MCF2: variants seen among roughly 807,000 people sequenced by gnomAD.
MCF2 encodes proto-oncogene DBL.
Under a neutral mutation model 82.5 loss-of-function variants are expected in MCF2, and 44 were observed. The observed-to-expected ratio is 0.53, with a 90% confidence interval of 0.42 to 0.69. The LOEUF (loss-of-function observed/expected upper bound fraction) is 0.69. Ranked by LOEUF, MCF2 falls within the 30% of genes least tolerant of loss-of-function variation. MCF2 has a pLI of 0.00. For synonymous variants in MCF2, 217 were observed against 224.9 expected (o/e 0.96, Z 0.32); for missense variants, 623 against 663.1 (o/e 0.94, Z 0.66).
At chrX:139,615,148 T>C in intron 9 of MCF2, 96 bp from the exon 13 acceptor site, 1 of 612,317 alleles carries the variant, frequency 1.6e-6, no homozygotes, top group South Asian at 3.4e-5. Context: ...AAAAAAATAA[T>C]TTAGAGTTTA....
intron 1 of MCF2, among the ~76,000 whole-genome samples, chrX:139,671,791 A>G (rs778490831): frequency 1.8e-5 from 2 of 112,065 alleles, no homozygotes; most frequent in East Asian, 5.6e-4. Context: ...TGTCTAGGCA[A>G]TGGAGGCTCT....
intron 1 of MCF2, among the ~76,000 whole-genome samples, chrX:139,699,204 C>G (rs983211892): frequency 8.9e-6 from 1 of 112,345 alleles, no homozygotes; most frequent in Non-Finnish European, 1.9e-5. Flanking sequence ...CAGTCTTCCT[C>G]TGTCTTAAGG....
intron 6 of MCF2, among the ~76,000 whole-genome samples, chrX:139,621,460 T>C (rs1932350260): frequency 9.1e-6 from 1 of 110,404 alleles, no homozygotes; most frequent in Admixed American, 9.6e-5. Flanking sequence ...CTGACAAAAA[T>C]CTAATATCCA....
At chrX:139,623,584 G>C (rs1239881593) in intron 6 of MCF2, among the ~76,000 whole-genome samples, 2 of 111,426 alleles carry the variant, frequency 1.8e-5, no homozygotes, top group African/African-American at 6.5e-5. Flanking sequence ...AAAGGGGGAA[G>C]AGGAGGAAGG....
intron 6 of MCF2, among the ~76,000 whole-genome samples, 158 bp from the exon 10 acceptor site, chrX:139,619,864 A>T (rs766412289): frequency 2.3e-4 from 25 of 110,573 alleles, no homozygotes; most frequent in African/African-American, 7.9e-4. Flanking sequence ...TAATCTGTTA[A>T]AATTTAACCT....
chrX:139,598,421 A>G, exon 17 of MCF2: 1 of 1,157,930 alleles, frequency 8.6e-7, no homozygotes, highest in East Asian at 3.1e-5. Context: ...ACAATAACTG[A>G]TATTTAGTGA....
At chrX:139,596,993 C>T (rs1446433488) in intron 18 of MCF2, among the ~76,000 whole-genome samples, 2 of 111,248 alleles carry the variant, frequency 1.8e-5, no homozygotes, top group East Asian at 2.8e-4. Flanking sequence ...GGCTTCATAT[C>T]ATCTGGAGGT....
intron 1 of MCF2, among the ~76,000 whole-genome samples, chrX:139,677,021 G>C (rs1401069987): frequency 8.9e-6 from 1 of 111,875 alleles, no homozygotes; most frequent in Non-Finnish European, 1.9e-5. Context: ...CTGGTGATCA[G>C]CAGCTCCTGA....
intron 1 of MCF2, among the ~76,000 whole-genome samples, chrX:139,707,578 A>G (rs1037776591): frequency 1.6e-4 from 18 of 111,653 alleles, no homozygotes; most frequent in African/African-American, 5.2e-4. Context: ...ACCCACTGAA[A>G]ATAAATAATC....
chrX:139,632,275 G>T (rs1932964280), intron 2 of MCF2, 60 bp downstream of exon 5: 25 of 942,090 alleles, frequency 2.7e-5, no homozygotes, highest in Non-Finnish European at 3.3e-5. Flanking sequence ...AATATAAACA[G>T]CATGGTACAG....
chrX:139,624,939 G>A (rs1389716750), intron 6 of MCF2, among the ~76,000 whole-genome samples: 6 of 111,208 alleles, frequency 5.4e-5, no homozygotes, highest in Non-Finnish European at 1.1e-4. Context: ...GTATATATAT[G>A]AGGGAGGGAA....
intron 1 of MCF2, among the ~76,000 whole-genome samples, chrX:139,640,772 T>A (rs1933513527): frequency 9.0e-6 from 1 of 111,113 alleles, no homozygotes; most frequent in Non-Finnish European, 1.9e-5. Context: ...TCTACTATAG[T>A]TCTAGGCTTC....
At chrX:139,600,466 C>T (rs1930457120) in intron 16 of MCF2, among the ~76,000 whole-genome samples, 1 of 110,775 alleles carries the variant, frequency 9.0e-6, no homozygotes, top group African/African-American at 3.3e-5. Flanking sequence ...GCCCTATGGA[C>T]CAAAGGATAC....
intron 1 of MCF2, among the ~76,000 whole-genome samples, chrX:139,693,332 A>G (rs1453275748): frequency 9.0e-6 from 1 of 111,688 alleles, no homozygotes; most frequent in Non-Finnish European, 1.9e-5. Context: ...TTTTTCTTTA[A>G]TACTTATCCT....
At chrX:139,646,917 A>T, upstream of MCF2, 1 of 932,769 alleles carries the variant, frequency 1.1e-6, no homozygotes. Context: ...CAACAATAGA[A>T]AAATAATCAA....
intron 19 of MCF2, among the ~76,000 whole-genome samples, chrX:139,596,187 C>T (rs757444983): frequency 1.8e-5 from 2 of 111,197 alleles, no homozygotes; most frequent in African/African-American, 6.5e-5. Flanking sequence ...CATAAGGCTC[C>T]TTTCTAACAA....
exon 10 of MCF2, chrX:139,614,927 A>C (rs974162427): frequency 1.7e-6 from 2 of 1,210,000 alleles, no homozygotes; most frequent in Non-Finnish European, 2.2e-6. Context: ...CCAAATTTTC[A>C]GGTGTGGGTA....
At chrX:139,675,233 A>G (rs369882816) in intron 1 of MCF2, among the ~76,000 whole-genome samples, 26 of 111,838 alleles carry the variant, frequency 2.3e-4, no homozygotes, top group African/African-American at 4.9e-4. Flanking sequence ...CTTCCTTGCT[A>G]TGGGTTCAAA....
At chrX:139,619,728 G>A in intron 6 of MCF2, 22 bp from the exon 10 acceptor site, 3 of 1,086,468 alleles carry the variant, frequency 2.8e-6, no homozygotes, top group Non-Finnish European at 3.6e-6. Flanking sequence ...AAACAAAGAG[G>A]TTTTAAAAAC....
Sources: gnomAD v4.1 joint callset for allele counts (sites outside exome capture counted in the v4.1 genomes callset) on GRCh38, gnomAD v4.1.1 for gene constraint, MANE v1.5 for transcripts, NCBI Gene and HGNC (gene_info 2026-07-23, HGNC 2026-07-21) for gene names.